SLC9A1: variants seen among roughly 807,000 people sequenced by gnomAD.
SLC9A1 encodes the protein solute carrier family 9 member A1.
Under a neutral mutation model 67.9 loss-of-function variants are expected in SLC9A1, and 22 were observed. The observed-to-expected ratio is 0.32, with a 90% CI of 0.23 to 0.46. The LOEUF (loss-of-function observed/expected upper bound fraction) is 0.46, where lower values mean the gene tolerates loss of function less well. SLC9A1 is among the 20% of genes least tolerant of loss of function. The probability of loss-of-function intolerance (pLI) is 1.00; values close to 1 mark genes in which losing one functional copy is unlikely to be tolerated. For missense variants in SLC9A1, 686 were observed against 1,094.8 expected (o/e 0.63, Z 5.27); for synonymous variants, 421 against 471.8 (o/e 0.89, Z 1.40).
At position 27,114,325 on chromosome 1, in the gene SLC9A1, G is replaced by A. The variant is rs771473339; in HGVS notation, c.353-39C>T. 5.5e-5 allele frequency: 85 copies of A among 1,532,238 alleles called. No individual in the cohort carries two copies. The Admixed American group carries it at 1.5e-3, about 26-fold the overall frequency. The allele number at this position is 1,532,238 out of a possible 1,614,324, so 94.9% of individuals were successfully genotyped here. On this transcript the variant is annotated intron_variant, in intron 1 of 11. Coordinates refer to ENST00000263980, the MANE Select transcript of SLC9A1 (RefSeq NM_003047.5). This position sits in a 1 kb window ranked among gnomAD's most constrained non-coding sequence, Gnocchi z 5.4. ...GAGAACGGGAGGCCATGGGCTTTCG[G>A]AGGAGCCAGGAGAATAGAAGGTTGG... is the stretch of plus-strand genomic sequence containing the variant.
chr1:27,114,047 G>A lies in SLC9A1; in HGVS notation c.592C>T (p.Leu198=), dbSNP rs751677907. Residue 198 remains leucine (L), a synonymous_variant, in exon 2 of 12, where the codon CTG becomes TTG. Coordinates refer to ENST00000263980, the MANE Select transcript of SLC9A1 (RefSeq NM_003047.5). This position sits in a 1 kb window ranked among gnomAD's most constrained non-coding sequence, Gnocchi z 5.4. ...CCGCCCAGGAAGAAGGCGTTCCACA[G>A]CGTGCCCACCACGGCAAAGATCAGG... The part of the protein sequence containing the change: ...TILIFAVVGT[L]WNAFFLGGLM... 3.7e-6 allele frequency: 6 copies of A among 1,614,142 alleles called. No homozygotes were observed. The Admixed American group carries it at 1.0e-4, about 27-fold the overall frequency.
rs2083128762 is a variant in SLC9A1, at chr1:27,100,077, C to G, written c.*230G>C. 2.2e-6 allele frequency: 1 copy of G among 447,604 alleles called. No individual in the cohort carries two copies. Among genetic ancestry groups the G allele is most frequent in the Non-Finnish European group, 3.9e-6 (1 of 254,886 alleles). 27.7% of individuals were successfully genotyped at this position (447,604 alleles called of 1,614,324 possible). ...GAGGGGCAGGGCCGGCCTCACCAGC[C>G]CCAGCAGTTCTGCCAAATGGATTGG... On this transcript the variant is annotated 3_prime_UTR_variant, in exon 12 of 12. Coordinates refer to ENST00000263980, the MANE Select transcript of SLC9A1 (RefSeq NM_003047.5). This position sits in a 1 kb window ranked among gnomAD's most constrained non-coding sequence, Gnocchi z 5.6.
chr1:27,125,549 A>G (rs1352323840), intron 1 of SLC9A1, among the ~76,000 whole-genome samples: 2 of 149,186 alleles, frequency 1.3e-5, no homozygotes, highest in African/African-American at 4.9e-5. Flanking sequence ...CCCAGCCCAC[A>G]TATCCACTCT....
At chr1:27,131,568 T>C (rs2083384506) in intron 1 of SLC9A1, among the ~76,000 whole-genome samples, 1 of 148,926 alleles carries the variant, frequency 6.7e-6, no homozygotes, top group East Asian at 2.0e-4. Flanking sequence ...GTCAACATGG[T>C]GAAGCCCTGT....
rs147821501 is a variant in SLC9A1, at chr1:27,129,019, G to A, written c.353-14733C>T. Among the ~76,000 whole-genome samples the A allele has an allele frequency of 5.0e-4, 76 of 152,196 alleles. 1 individual carries two copies. In the East Asian group the frequency reaches 0.014, roughly 28 times the overall value. The stretch of plus-strand genomic sequence containing the variant: ...GCACGCACGCATGCCAGACACTCCC[G>A]TGCAGATCTAGATTCCCAGAAACCA... On this transcript the variant is annotated intron_variant, in intron 1 of 11. Coordinates refer to ENST00000263980, the MANE Select transcript of SLC9A1 (RefSeq NM_003047.5).
chr1:27,100,263 G>T lies in SLC9A1; in HGVS notation c.*44C>A. Reference sequence around the variant, plus strand: ...AGCCCCCAGCAGCCCCTGCTCTGGTGGAAGAGTCTGTGAGGGGACAGGCGC... The same window carrying T: ...AGCCCCCAGCAGCCCCTGCTCTGGTTGAAGAGTCTGTGAGGGGACAGGCGC... On this transcript the variant is annotated 3_prime_UTR_variant, in exon 12 of 12. Transcript: ENST00000263980. The surrounding 1 kb of genome is among the most constrained non-coding windows in gnomAD (Gnocchi z 5.6). 7.0e-7 allele frequency: 1 copy of T among 1,418,494 alleles called. No individual in the cohort carries two copies. Among genetic ancestry groups the T allele is most frequent in the Non-Finnish European group, 9.5e-7 (1 of 1,055,592 alleles). 87.9% of individuals were successfully genotyped at this position (1,418,494 alleles called of 1,614,324 possible).
chr1:27,102,449 T>A lies in SLC9A1; in HGVS notation c.1756A>T (p.Ile586Phe). 1 of 1,610,946 alleles carries A rather than the reference T, an allele frequency of 6.2e-7. No individual in the cohort carries two copies. The highest frequency in any genetic ancestry group is 1.7e-5 in the Admixed American group (1 of 59,982). ...FYHKMEMKQA[I>F]ELVESGGMGK... ...ATGCCCCCGCTCTCCACCAGCTCGA[T>A]GGCCTGCTTCATCTCCATCTTGTGG... The change falls in exon 8 of 12, where the codon ATC (isoleucine) becomes TTC (phenylalanine). Residue 586 changes from isoleucine to phenylalanine, a missense_variant. By Grantham distance (21) the Ile-to-Phe change is conservative (BLOSUM62 0). Around this residue, in one of 7 missense-constraint regions of SLC9A1, gnomAD observed 168 missense variants for 375.4 expected, o/e 0.45. Coordinates refer to ENST00000263980, the MANE Select transcript of SLC9A1 (RefSeq NM_003047.5).
Position 27,154,088 on chromosome 1 carries a change from T to A in SLC9A1, c.247A>T (p.Met83Leu). Residue 83 changes from methionine to leucine, a missense_variant, in exon 1 of 12, where the codon ATG becomes TTG. By Grantham distance (15) the Met-to-Leu change is conservative. This residue lies in a region of SLC9A1 where 143 missense variants were observed against 166.7 expected (regional missense o/e 0.86). Coordinates refer to ENST00000263980, the MANE Select transcript of SLC9A1 (RefSeq NM_003047.5). Reference sequence around the variant, plus strand: ...ACTGGAAAGGCCTTGCGCGGCTTCATGCCATGATCAGTGACGGAATGATTA... The same window carrying A: ...ACTGGAAAGGCCTTGCGCGGCTTCAAGCCATGATCAGTGACGGAATGATTA... The part of the protein sequence containing the change: ...PVNHSVTDHG[M>L]KPRKAFPVLG... 1 of 1,613,958 alleles carries A rather than the reference T, an allele frequency of 6.2e-7. No homozygotes were observed. Among genetic ancestry groups the A allele is most frequent in the African/African-American group, 1.3e-5 (1 of 75,032 alleles).
chr1:27,106,124 G>C lies in SLC9A1; in HGVS notation c.1283-37C>G. 3 of 1,424,546 alleles carry C rather than the reference G, an allele frequency of 2.1e-6. No individual in the cohort carries two copies. Among genetic ancestry groups the C allele is most frequent in the Non-Finnish European group, 3.0e-6 (3 of 1,015,382 alleles). The allele number at this position is 1,424,546 out of a possible 1,614,324, so 88.2% of individuals were successfully genotyped here. The stretch of plus-strand genomic sequence containing the variant: ...GGCAGGGGGTGATGAGGGTCAGGTC[G>C]GGCTGTCCCCAGTCCCTCCTGGATT... On this transcript the variant is annotated intron_variant, in intron 4 of 11. Coordinates refer to ENST00000263980, the MANE Select transcript of SLC9A1 (RefSeq NM_003047.5). This position sits in a 1 kb window ranked among gnomAD's most constrained non-coding sequence, Gnocchi z 4.3.
chr1:27,144,367 A>G (rs2083469112), intron 1 of SLC9A1, among the ~76,000 whole-genome samples: 1 of 152,214 alleles, frequency 6.6e-6, no homozygotes, highest in South Asian at 2.1e-4. Context: ...AGATCTTCCC[A>G]GAGAGACCCC....
At chr1:27,134,356 C>T (rs1231171247) in intron 1 of SLC9A1, among the ~76,000 whole-genome samples, 1 of 152,214 alleles carries the variant, frequency 6.6e-6, no homozygotes, top group Non-Finnish European at 1.5e-5. Flanking sequence ...TGACAGCCCA[C>T]GATTTTACAT....
At chr1:27,122,023 T>C (rs2083307645) in intron 1 of SLC9A1, among the ~76,000 whole-genome samples, 1 of 152,028 alleles carries the variant, frequency 6.6e-6, no homozygotes, top group Admixed American at 6.5e-5. Flanking sequence ...GAGTGAGGCA[T>C]AAGAATTGCT....
At chr1:27,131,633 A>G (rs1399206590) in intron 1 of SLC9A1, among the ~76,000 whole-genome samples, 1 of 151,192 alleles carries the variant, frequency 6.6e-6, no homozygotes, top group Non-Finnish European at 1.5e-5. Context: ...CTGTAGTCCC[A>G]GCTACTCAGA....
chr1:27,152,435 C>A (rs1226093606), intron 1 of SLC9A1, among the ~76,000 whole-genome samples: 1 of 152,174 alleles, frequency 6.6e-6, no homozygotes, highest in African/African-American at 2.4e-5. Context: ...CTCACACAGT[C>A]AAATGACATC....
intron 5 of SLC9A1, chr1:27,103,795 A>G (rs563771336): frequency 2.4e-4 from 41 of 168,822 alleles, no homozygotes; most frequent in Non-Finnish European, 4.8e-4. Context: ...GCTCTCCAAT[A>G]TCCGCAACAC....
chr1:27,119,321 A>G (rs1011553488), intron 1 of SLC9A1, among the ~76,000 whole-genome samples: 1 of 151,840 alleles, frequency 6.6e-6, no homozygotes, highest in East Asian at 1.9e-4. Flanking sequence ...GTCAGAGGGG[A>G]GTGCTGGGAA....
chr1:27,144,954 A>C (rs1287762235), intron 1 of SLC9A1, among the ~76,000 whole-genome samples: 3 of 151,740 alleles, frequency 2.0e-5, no homozygotes, highest in Non-Finnish European at 4.4e-5. Flanking sequence ...CTGGAGGCTG[A>C]GGCAGAATTG....
Position 27,109,415 on chromosome 1 carries a change from G to C in SLC9A1, c.1064+112C>G, listed in dbSNP as rs1233109952. ...GCCTGGAGTTCATGTCTCATCCCTGGAGCTCAAGGCTGGGCCCTGGGAGCT... is the reference window on the plus strand; with the variant it reads ...GCCTGGAGTTCATGTCTCATCCCTGCAGCTCAAGGCTGGGCCCTGGGAGCT... On this transcript the variant is annotated intron_variant, in intron 3 of 11. Transcript: ENST00000263980. This position sits in a 1 kb window ranked among gnomAD's most constrained non-coding sequence, Gnocchi z 5.5. 8.5e-7 allele frequency: 1 copy of C among 1,172,506 alleles called. No individual in the cohort carries two copies. The highest frequency in any genetic ancestry group is 1.2e-6 in the Non-Finnish European group (1 of 811,610). The allele number at this position is 1,172,506 out of a possible 1,614,324, so 72.6% of individuals were successfully genotyped here.
chr1:27,135,765 C>T (rs780043920), intron 1 of SLC9A1, among the ~76,000 whole-genome samples: 7 of 152,110 alleles, frequency 4.6e-5, no homozygotes, highest in Non-Finnish European at 8.8e-5. Flanking sequence ...GAGGCAACAC[C>T]GAACAGCAAT....
Sources: gnomAD v4.1 joint callset for allele counts (sites outside exome capture counted in the v4.1 genomes callset) on GRCh38, gnomAD v4.1.1 for gene constraint, gnomAD v4.1.1 regional missense constraint, Gnocchi (gnomAD v3.1) non-coding constraint, MANE v1.5 for transcripts, NCBI Gene and HGNC (gene_info 2026-07-23, HGNC 2026-07-21) for gene names.